The following PTP4A1 variants were observed in gnomAD, a reference collection of about 807,000 sequenced individuals.
PTP4A1 encodes protein tyrosine phosphatase 4A1.
In PTP4A1, 9 loss-of-function variants were observed where a neutral mutation model predicts 20.5. The observed-to-expected ratio is 0.44, with a 90% confidence interval of 0.26 to 0.77. PTP4A1 has a LOEUF of 0.77. PTP4A1 is among the 30% of genes least tolerant of loss of function. The probability of loss-of-function intolerance (pLI) is 0.19; values close to 1 mark genes in which losing one functional copy is unlikely to be tolerated. For missense variants in PTP4A1, 137 were observed against 218.8 expected (o/e 0.63, Z 2.36); for synonymous variants, 78 against 67.4 (o/e 1.16, Z -0.77).
At chr6:63,574,782 T>G (rs1040212326) in intron 1 of PTP4A1, among the ~76,000 whole-genome samples, 1 of 152,224 alleles carries the variant, frequency 6.6e-6, no homozygotes, top group Admixed American at 6.5e-5. Context: ...CAGAATACAC[T>G]TTTTATTCTA....
intron 1 of PTP4A1, among the ~76,000 whole-genome samples, chr6:63,524,065 T>C (rs1326341991): frequency 1.3e-5 from 2 of 152,144 alleles, no homozygotes; most frequent in Non-Finnish European, 2.9e-5. Context: ...CACTGCAACC[T>C]TTGCCTCCCA....
chr6:63,560,626 A>ACTC (rs1483281796), intron 3 of PTP4A1, among the ~76,000 whole-genome samples: 1 of 151,858 alleles, frequency 6.6e-6, no homozygotes, highest in Non-Finnish European at 1.5e-5. Flanking sequence ...CTGGTCTCGA[A>ACTC]CTCCTGACCT....
intron 2 of PTP4A1, among the ~76,000 whole-genome samples, chr6:63,546,350 G>GAGT (rs1349889204): frequency 6.6e-6 from 1 of 152,186 alleles, no homozygotes; most frequent in African/African-American, 2.4e-5. Context: ...TAGAAGCAGA[G>GAGT]AGTAGAATGG....
At chr6:63,538,465 G>A (rs1189004524) in intron 2 of PTP4A1, among the ~76,000 whole-genome samples, 4 of 152,166 alleles carry the variant, frequency 2.6e-5, no homozygotes, top group African/African-American at 4.8e-5. Context: ...AATTAGATTA[G>A]TTTAATTTGA....
At chr6:63,550,696 C>T (rs996185179) in intron 3 of PTP4A1, among the ~76,000 whole-genome samples, 3 of 152,054 alleles carry the variant, frequency 2.0e-5, no homozygotes, top group African/African-American at 7.2e-5. Flanking sequence ...ATGATCTCAG[C>T]TCACTGCAGG....
rs1314203139 is a variant in PTP4A1, at chr6:63,572,715, T to C, written c.-450T>C. 6 of 398,482 alleles carry C rather than the reference T, an allele frequency of 1.5e-5. No individual in the cohort carries two copies. The highest frequency in any genetic ancestry group is 2.2e-5 in the Non-Finnish European group (5 of 225,820). The allele number at this position is 398,482 out of a possible 1,614,324, so 24.7% of individuals were successfully genotyped here. On this transcript the variant is annotated 5_prime_UTR_variant, in exon 1 of 6. Transcript: ENST00000626021. Reference sequence around the variant, plus strand: ...CCACAATCTTCAATGAGTAAACATATTCCTGTGAGTAGCCGTCGCATCGTC... The same window carrying C: ...CCACAATCTTCAATGAGTAAACATACTCCTGTGAGTAGCCGTCGCATCGTC...
chr6:63,554,659 G>A (rs1218223031), intron 3 of PTP4A1, among the ~76,000 whole-genome samples: 10 of 152,088 alleles, frequency 6.6e-5, no homozygotes, highest in African/African-American at 2.4e-4. Flanking sequence ...TAGACATGGT[G>A]GCATGTAGTC....
At chr6:63,517,690 T>C (rs1774780633), upstream of PTP4A1, among the ~76,000 whole-genome samples, 1 of 152,034 alleles carries the variant, frequency 6.6e-6, no homozygotes, top group Non-Finnish European at 1.5e-5. Flanking sequence ...TATCAGAAAT[T>C]GTCAATAATG....
intron 1 of PTP4A1, among the ~76,000 whole-genome samples, chr6:63,527,242 C>T (rs963614263): frequency 3.9e-5 from 6 of 152,172 alleles, no homozygotes; most frequent in Non-Finnish European, 8.8e-5. Context: ...ACATTTTAAA[C>T]AGAGCACATG....
At chr6:63,566,582 T>A (rs1352465753) in intron 3 of PTP4A1, among the ~76,000 whole-genome samples, 2 of 152,190 alleles carry the variant, frequency 1.3e-5, no homozygotes, top group African/African-American at 4.8e-5. Context: ...TTAAAAATAC[T>A]TTTGCTAAAA....
chr6:63,519,843 T>G (rs569689895), upstream of PTP4A1, among the ~76,000 whole-genome samples: 5 of 152,330 alleles, frequency 3.3e-5, no homozygotes, highest in East Asian at 9.6e-4. Flanking sequence ...AATTCAATCA[T>G]CAATTTATCA....
upstream of PTP4A1, among the ~76,000 whole-genome samples, chr6:63,521,387 C>G (rs1774920208): frequency 6.6e-6 from 1 of 152,152 alleles, no homozygotes; most frequent in East Asian, 1.9e-4. Context: ...GCATTTTTCT[C>G]CCCAATCTAA....
intron 3 of PTP4A1, among the ~76,000 whole-genome samples, chr6:63,551,350 G>T (rs1440924423): frequency 6.6e-6 from 1 of 152,186 alleles, no homozygotes; most frequent in Non-Finnish European, 1.5e-5. Flanking sequence ...ACAGGCATGA[G>T]CCACTGCACC....
upstream of PTP4A1, chr6:63,572,305 T>G: frequency 1.5e-5 from 3 of 204,212 alleles, no homozygotes; most frequent in Admixed American, 6.0e-5. Context: ...GACTCGGCGC[T>G]TAGCCATTCA....
intron 3 of PTP4A1, among the ~76,000 whole-genome samples, chr6:63,551,087 A>G (rs1417362116): frequency 1.3e-5 from 2 of 151,908 alleles, no homozygotes; most frequent in Non-Finnish European, 2.9e-5. Flanking sequence ...TTGTTTTGAG[A>G]TGGAGTCTCC....
At chr6:63,558,387 G>A (rs1362182151) in intron 3 of PTP4A1, among the ~76,000 whole-genome samples, 3 of 152,168 alleles carry the variant, frequency 2.0e-5, no homozygotes, top group Non-Finnish European at 4.4e-5. Flanking sequence ...CAATCTCTGA[G>A]CCACTGCTCT....
At chr6:63,580,017 GC>G in intron 5 of PTP4A1, 39 bp from the exon 6 acceptor site, 1 of 1,434,264 alleles carries the variant, frequency 7.0e-7, no homozygotes, top group South Asian at 1.2e-5. Context: ...ACTGTAGGGG[GC>G]TTTTGCCTTG....
intron 3 of PTP4A1, among the ~76,000 whole-genome samples, chr6:63,554,786 C>CA (rs893933389): frequency 1.8e-4 from 28 of 151,680 alleles, no homozygotes; most frequent in Non-Finnish European, 2.8e-4. Context: ...AAGTCTGTCT[C>CA]AAAAAAATGG....
intron 3 of PTP4A1, among the ~76,000 whole-genome samples, chr6:63,562,184 T>A (rs185943133): frequency 6.6e-6 from 1 of 151,506 alleles, no homozygotes; most frequent in East Asian, 1.9e-4. Context: ...TTAAAGACAT[T>A]AAGATATTTT....
Sources: gnomAD v4.1 joint callset for allele counts (sites outside exome capture counted in the v4.1 genomes callset) on GRCh38, gnomAD v4.1.1 for gene constraint, MANE v1.5 for transcripts, NCBI Gene and HGNC (gene_info 2026-07-23, HGNC 2026-07-21) for gene names.